Variants in CELSR1 observed in about 807,000 individuals in gnomAD.
CELSR1 encodes the protein cadherin EGF LAG seven-pass G-type receptor 1, also known as adhesion G protein-coupled receptor C1.
CELSR1 carries 110 observed loss-of-function variants against 249.1 expected under a neutral mutation model. The ratio of observed to expected loss-of-function variants is 0.44; its 90% CI spans 0.38 to 0.52. The LOEUF (loss-of-function observed/expected upper bound fraction) is 0.52. CELSR1 is among the 20% of genes least tolerant of loss of function. The pLI is 0.00. For synonymous variants in CELSR1, 2,113 were observed against 1,900.0 expected (o/e 1.11, Z -2.92); for missense variants, 4,109 against 4,296.4 (o/e 0.96, Z 1.22).
intron 1 of CELSR1, among the ~76,000 whole-genome samples, chr22:46,531,416 G>A (rs1206687351): frequency 6.6e-6 from 1 of 152,130 alleles, no homozygotes; most frequent in Non-Finnish European, 1.5e-5. Context: ...ATGTTGGCCA[G>A]GTTGGTCTTG....
At chr22:46,510,829 T>C (rs2080565693) in intron 1 of CELSR1, among the ~76,000 whole-genome samples, 1 of 152,292 alleles carries the variant, frequency 6.6e-6, no homozygotes, top group Admixed American at 6.5e-5. Context: ...CACAAAGTGC[T>C]GGCCGGGTGC....
Position 46,447,305 on chromosome 22 carries a change from TA to T in CELSR1, c.4184-7895del. 6.6e-6 allele frequency among the ~76,000 whole-genome samples: 1 copy of T among 152,342 alleles called. No homozygotes were observed. Among genetic ancestry groups the T allele is most frequent in the Non-Finnish European group, 1.5e-5 (1 of 68,026 alleles). ...CTAATAGAGCTTTTATAAGACACAC[TA>T]TTTTCATAAAATAAATGTTCAGCTA... On this transcript the variant is annotated intron_variant, in intron 2 of 34. Coordinates refer to ENST00000674500, the MANE Select transcript of CELSR1 (RefSeq NM_001378328.1). This position sits in a 1 kb window ranked among gnomAD's most constrained non-coding sequence, Gnocchi z 4.7.
chr22:46,400,128 G>GT (rs1569136113), intron 9 of CELSR1, among the ~76,000 whole-genome samples: 2 of 151,888 alleles, frequency 1.3e-5, no homozygotes, highest in African/African-American at 4.8e-5. Flanking sequence ...TCAAAAGTTC[G>GT]TGACCAGCCT....
chr22:46,481,647 CAT>C, intron 1 of CELSR1: 2 of 661,208 alleles, frequency 3.0e-6, no homozygotes, highest in Non-Finnish European at 5.5e-6. Context: ...TGCACCAGAA[CAT>C]GAGACAATGC....
chr22:46,527,152 G>A lies in CELSR1; in HGVS notation c.3544+6475C>T, dbSNP rs1469050448. On this transcript the variant is annotated intron_variant, in intron 1 of 34. Transcript: ENST00000674500. The surrounding 1 kb of genome is among the most constrained non-coding windows in gnomAD (Gnocchi z 5.5). ...ACGGTACTTTCCATACCACAGTGTGGCGGCTGGAAAACTGCAAGCGATGGG... is the reference window on the plus strand; with the variant it reads ...ACGGTACTTTCCATACCACAGTGTGACGGCTGGAAAACTGCAAGCGATGGG... 3.3e-5 allele frequency among the ~76,000 whole-genome samples: 5 copies of A among 152,150 alleles called. No homozygotes were observed. Among genetic ancestry groups the A allele is most frequent in the African/African-American group, 4.8e-5 (2 of 41,428 alleles).
Position 46,367,749 on chromosome 22 carries a change from C to T in CELSR1, c.8059G>A (p.Ala2687Thr), listed in dbSNP as rs746988130. The T allele has an allele frequency of 6.9e-6, 11 of 1,604,364 alleles. No individual in the cohort carries two copies. Among genetic ancestry groups the T allele is most frequent in the African/African-American group, 6.7e-5 (5 of 74,892 alleles). The change falls in exon 28 of 35, where the codon GCC becomes ACC. Residue 2687 changes from alanine to threonine, a missense_variant. By Grantham distance (58) the Ala-to-Thr change is moderately conservative. Transcript: ENST00000674500. ...RDALSFHYLF[A>T]IFSGLQGPFV... ...CCTACCTGTAAGCCGCTGAAGATGGCGAAGAGGTAGTGAAAGCTCAGTGCA... is the reference window on the plus strand; with the variant it reads ...CCTACCTGTAAGCCGCTGAAGATGGTGAAGAGGTAGTGAAAGCTCAGTGCA...
chr22:46,372,955 C>T lies in CELSR1; in HGVS notation c.7687G>A (p.Val2563Met). 1.2e-6 allele frequency: 2 copies of T among 1,613,446 alleles called. No individual in the cohort carries two copies. The highest frequency in any genetic ancestry group is 1.7e-6 in the Non-Finnish European group (2 of 1,179,912). ...SLHVYRMLTE[V>M]RNIDTGPMRF... is the part of the protein sequence containing the mutation. ...ATGGGCCCCGTGTCGATGTTGCGCACCTCGGTCAGCATGCGGTAGACATGC... is the reference window on the plus strand; with the variant it reads ...ATGGGCCCCGTGTCGATGTTGCGCATCTCGGTCAGCATGCGGTAGACATGC... The change falls in exon 25 of 35, where the codon GTG becomes ATG. Residue 2563 changes from valine to methionine, a missense_variant. Around this residue, in one of 7 missense-constraint regions of CELSR1, gnomAD observed 1,805 missense variants for 1,831.6 expected, o/e 0.99. Coordinates refer to ENST00000674500, the MANE Select transcript of CELSR1 (RefSeq NM_001378328.1).
chr22:46,485,615 G>T (rs1286295432), intron 1 of CELSR1, among the ~76,000 whole-genome samples: 2 of 152,190 alleles, frequency 1.3e-5, no homozygotes, highest in Non-Finnish European at 2.9e-5. Context: ...AAATTGCCGA[G>T]GAGCAAAAGC....
At chr22:46,384,963 T>G (rs534394967) in intron 19 of CELSR1, among the ~76,000 whole-genome samples, 3 of 151,854 alleles carry the variant, frequency 2.0e-5, no homozygotes, top group African/African-American at 7.3e-5. Flanking sequence ...GCTAATTTTT[T>G]GTATTTTTGG....
chr22:46,421,016 A>G (rs988258529), intron 5 of CELSR1, among the ~76,000 whole-genome samples: 2 of 152,098 alleles, frequency 1.3e-5, no homozygotes, highest in Non-Finnish European at 2.9e-5. Context: ...TGCTGGGTCC[A>G]TGGCTCCGCC....
intron 4 of CELSR1, among the ~76,000 whole-genome samples, chr22:46,435,844 G>A (rs2079653177): frequency 6.6e-6 from 1 of 152,118 alleles, no homozygotes; most frequent in South Asian, 2.1e-4. Context: ...GAGATTACAG[G>A]CGTGCACCAC....
intron 1 of CELSR1, among the ~76,000 whole-genome samples, chr22:46,530,094 G>C (rs766933104): frequency 6.6e-6 from 1 of 151,796 alleles, no homozygotes; most frequent in Non-Finnish European, 1.5e-5. Flanking sequence ...TGGATCACTT[G>C]AGCTCAGAGG....
intron 1 of CELSR1, chr22:46,530,196 G>T (rs902116852): frequency 6.6e-6 from 1 of 152,302 alleles, no homozygotes; most frequent in South Asian, 1.9e-4. Flanking sequence ...GCAATGAGCT[G>T]AGATCAAGGC....
intron 1 of CELSR1, among the ~76,000 whole-genome samples, chr22:46,532,280 G>A (rs2080799517): frequency 6.6e-6 from 1 of 152,220 alleles, no homozygotes; most frequent in South Asian, 2.1e-4. Context: ...AACTTCCTAA[G>A]AATATCCATA....
intron 1 of CELSR1, among the ~76,000 whole-genome samples, chr22:46,532,952 G>A (rs1289833837): frequency 1.3e-5 from 2 of 152,196 alleles, no homozygotes; most frequent in African/African-American, 4.8e-5. Flanking sequence ...AGGTGAGCGA[G>A]GTGCCCACAC....
rs969530086 is a variant in CELSR1, at chr22:46,506,678, G to T, written c.3544+26949C>A. Among the ~76,000 whole-genome samples, 1 of 152,052 alleles carries T rather than the reference G, an allele frequency of 6.6e-6. No individual in the cohort carries two copies. The highest frequency in any genetic ancestry group is 1.5e-5 in the Non-Finnish European group (1 of 68,022). On this transcript the variant is annotated intron_variant, in intron 1 of 34. Coordinates refer to ENST00000674500, the MANE Select transcript of CELSR1 (RefSeq NM_001378328.1). The surrounding 1 kb of genome is among the most constrained non-coding windows in gnomAD (Gnocchi z 4.1). ...TTTTCAGGGCATACCCTCCCTACCC[G>T]CAGTGACGCACAGCCGCTGAGACAA...
rs979632124 is a variant in CELSR1, at chr22:46,527,125, C to T, written c.3544+6502G>A. ...TTGCTCATCTCTAGGATGGAGGTGG[C>T]GACGGTACTTTCCATACCACAGTGT... On this transcript the variant is annotated intron_variant, in intron 1 of 34. Coordinates refer to ENST00000674500, the MANE Select transcript of CELSR1 (RefSeq NM_001378328.1). The surrounding 1 kb of genome is among the most constrained non-coding windows in gnomAD (Gnocchi z 5.5). Among the ~76,000 whole-genome samples the T allele has an allele frequency of 1.4e-4, 21 of 152,276 alleles. No individual in the cohort carries two copies. The highest frequency in any genetic ancestry group is 9.8e-4 in the Admixed American group (15 of 15,300).
rs528809524 is a variant in CELSR1 at position 46,512,743 on chromosome 22, T to G, written c.3544+20884A>C. ...GGGGATCAGGCACAGCTCCTGCTTA[T>G]AGAGGGTAGCGGGTTTCCGTTCCCT... On this transcript the variant is annotated intron_variant, in intron 1 of 34. Coordinates refer to ENST00000674500, the MANE Select transcript of CELSR1 (RefSeq NM_001378328.1). This position sits in a 1 kb window ranked among gnomAD's most constrained non-coding sequence, Gnocchi z 5.2. Among the ~76,000 whole-genome samples the G allele has an allele frequency of 1.2e-4, 19 of 152,326 alleles. No individual in the cohort carries two copies. The highest frequency in any genetic ancestry group is 4.3e-4 in the African/African-American group (18 of 41,586).
chr22:46,463,930 G>C lies in CELSR1; in HGVS notation c.3960C>G (p.Ser1320=), dbSNP rs201238170. The C allele has an allele frequency of 6.2e-7, 1 of 1,614,030 alleles. No homozygotes were observed. Among genetic ancestry groups the C allele is most frequent in the African/African-American group, 1.3e-5 (1 of 75,070 alleles). ...EPCENYMKCV[S]VLRFDSSAPF... ...GCGCGGAGCTGTCGAATCGCAGAAC[G>C]GACACGCACTTCATGTAGTTCTCGC... is the stretch of plus-strand genomic sequence containing the variant. The change falls in exon 2 of 35, where the codon TCC becomes TCG. Residue 1320 remains serine (S), a synonymous_variant. Coordinates refer to ENST00000674500, the MANE Select transcript of CELSR1 (RefSeq NM_001378328.1).
Sources: allele counts gnomAD v4.1 joint callset (sites outside exome capture counted in the v4.1 genomes callset), GRCh38; gene constraint gnomAD v4.1.1; regional missense constraint gnomAD v4.1.1; non-coding constraint Gnocchi (gnomAD v3.1); transcripts MANE v1.5; gene names NCBI Gene and HGNC (gene_info 2026-07-23, HGNC 2026-07-21).